Variants in SYNE2 observed in about 807,000 individuals in gnomAD.
SYNE2 encodes nesprin-2.
In SYNE2, 431 loss-of-function variants were observed where a neutral mutation model predicts 856.3. The observed-to-expected ratio is 0.50, with a 90% CI of 0.47 to 0.55. The LOEUF is 0.55. Among genes scored for constraint, SYNE2 ranks in the 20% least tolerant of loss-of-function variants. The probability of loss-of-function intolerance (pLI) is 0.00; values close to 1 mark genes in which losing one functional copy is unlikely to be tolerated. For missense variants in SYNE2, 8,129 were observed against 8,023.2 expected (o/e 1.01, Z -0.50); for synonymous variants, 2,923 against 2,872.3 (o/e 1.02, Z -0.56).
intron 54 of SYNE2, 94 bp downstream of exon 54, chr14:64,076,194 A>G (rs2097457327): frequency 2.8e-6 from 4 of 1,403,520 alleles, no homozygotes; most frequent in Admixed American, 2.0e-5. Context: ...ATTTGCCAGG[A>G]TTTCAGCTAT....
intron 2 of SYNE2, among the ~76,000 whole-genome samples, chr14:63,914,966 T>C (rs2095517300): frequency 6.6e-6 from 1 of 152,034 alleles, no homozygotes; most frequent in South Asian, 2.1e-4. Flanking sequence ...TTAGTAGAGA[T>C]GGGGTTTTGC....
At chr14:63,954,580 C>A in intron 7 of SYNE2, 139 bp from the exon 8 acceptor site, 1 of 702,528 alleles carries the variant, frequency 1.4e-6, no homozygotes. Flanking sequence ...TTAATTTGGT[C>A]ACAAGATAAA....
Position 64,198,935 on chromosome 14 carries a change from C to T in SYNE2, c.18039-3866C>T, listed in dbSNP as rs150307542. ...CTCCTATGTTGTATTACAGTGTCAA[C>T]ATTACATCTAAATTAGGTGATGACC... is the stretch of plus-strand genomic sequence containing the variant. On this transcript the variant is annotated intron_variant, in intron 99 of 115. Transcript: ENST00000555002. 1.0e-3 allele frequency among the ~76,000 whole-genome samples: 159 copies of T among 152,334 alleles called. 5 individuals carry two copies. In the East Asian group the frequency reaches 0.027, roughly 26 times the overall value.
chr14:63,948,261 A>T (rs2096069254), intron 6 of SYNE2, among the ~76,000 whole-genome samples: 1 of 152,198 alleles, frequency 6.6e-6, no homozygotes, highest in African/African-American at 2.4e-5. Flanking sequence ...AAAAATTGAC[A>T]TTTAAAAAAT....
chr14:63,963,377 A>G (rs2096347857), intron 9 of SYNE2, among the ~76,000 whole-genome samples: 2 of 152,258 alleles, frequency 1.3e-5, no homozygotes, highest in African/African-American at 4.8e-5. Flanking sequence ...TCTTTGTCCT[A>G]TAGTAGTAAA....
At chr14:64,141,834 A>G (rs1328881321) in intron 81 of SYNE2, 108 bp from the exon 82 acceptor site, 5 of 1,373,184 alleles carry the variant, frequency 3.6e-6, no homozygotes, top group Non-Finnish European at 5.0e-6. Context: ...AGTAACCTGC[A>G]TAATTATATA....
chr14:64,023,096 A>C (rs571736542), intron 38 of SYNE2: 62 of 474,422 alleles, frequency 1.3e-4, no homozygotes, highest in South Asian at 7.7e-4. Context: ...ATCTCTACAA[A>C]AAATACAAAA....
At chr14:64,103,500 C>G (rs534582516) in intron 64 of SYNE2, among the ~76,000 whole-genome samples, 1 of 152,112 alleles carries the variant, frequency 6.6e-6, no homozygotes, top group African/African-American at 2.4e-5. Context: ...GTGAAAACTA[C>G]GTGCTTCCTT....
chr14:64,020,368 G>A (rs549232900), intron 35 of SYNE2, among the ~76,000 whole-genome samples: 8 of 152,264 alleles, frequency 5.3e-5, no homozygotes, highest in Admixed American at 3.3e-4. Flanking sequence ...ATGTTGGGTC[G>A]TGGATTGGAC....
At chr14:63,878,264 C>T (rs1566687119) in intron 1 of SYNE2, among the ~76,000 whole-genome samples, 1 of 152,168 alleles carries the variant, frequency 6.6e-6, no homozygotes, top group Non-Finnish European at 1.5e-5. Context: ...GTGATCTCCA[C>T]CCTGTGGGAC....
At chr14:64,071,062 A>G (rs1275391160) in intron 52 of SYNE2, 152 bp downstream of exon 52, 1 of 736,954 alleles carries the variant, frequency 1.4e-6, no homozygotes, top group East Asian at 2.7e-5. Flanking sequence ...ACAGATTAGT[A>G]ACTATAATTA....
At chr14:63,898,431 G>C (rs1439700808) in intron 1 of SYNE2, among the ~76,000 whole-genome samples, 1 of 151,900 alleles carries the variant, frequency 6.6e-6, no homozygotes, top group Non-Finnish European at 1.5e-5. Context: ...TTTTGAGACA[G>C]AGTTTCGCCA....
At chr14:63,987,081 G>A (rs1162260385) in intron 19 of SYNE2, among the ~76,000 whole-genome samples, 4 of 152,020 alleles carry the variant, frequency 2.6e-5, no homozygotes, top group Admixed American at 1.3e-4. Flanking sequence ...GTGAAATCCC[G>A]TCTCTACTGA....
chr14:63,979,096 A>G, intron 14 of SYNE2, 82 bp downstream of exon 14: 2 of 1,426,838 alleles, frequency 1.4e-6, no homozygotes, highest in South Asian at 2.3e-5. Context: ...ATGATTTCCC[A>G]TTAACTCTTC....
chr14:64,083,299 T>G lies in SYNE2; in HGVS notation c.11484+1719T>G, dbSNP rs140882841. ...TTCCACATCCCCAAAGTTTGTCATT[T>G]TTAAACTCTTTATCACCTCCCTGAT... On this transcript the variant is annotated intron_variant, in intron 57 of 115. Coordinates refer to ENST00000555002, the MANE Select transcript of SYNE2 (RefSeq NM_182914.3). 1.6e-3 allele frequency among the ~76,000 whole-genome samples: 244 copies of G among 152,204 alleles called. 1 individual carries two copies. The highest frequency in any genetic ancestry group is 5.5e-3 in the African/African-American group (227 of 41,522).
In SYNE2 at chr14:64,222,835, C is replaced by T. The variant is rs182390018; in HGVS notation, c.20191-354C>T. 1.7e-4 allele frequency among the ~76,000 whole-genome samples: 26 copies of T among 152,296 alleles called. No homozygotes were observed. In the East Asian group the frequency reaches 3.7e-3, roughly 21 times the overall value. On this transcript the variant is annotated intron_variant, in intron 112 of 115. Coordinates refer to ENST00000555002, the MANE Select transcript of SYNE2 (RefSeq NM_182914.3). The stretch of plus-strand genomic sequence containing the variant: ...TGCCTGGTATGAACCTCTATGGTTA[C>T]GCTGCTGTTTCTCGGTTGATTGACT...
chr14:63,983,233 A>T (rs1332395421), intron 17 of SYNE2, among the ~76,000 whole-genome samples: 1 of 152,224 alleles, frequency 6.6e-6, no homozygotes, highest in African/African-American at 2.4e-5. Flanking sequence ...TAGTTTATAC[A>T]CATTTGAGTT....
At chr14:64,218,241 TACCTAGAC>T (rs1297049387) in intron 108 of SYNE2, 149 bp from the exon 109 acceptor site, 24 of 695,228 alleles carry the variant, frequency 3.5e-5, no homozygotes. Flanking sequence ...TTATAAATGC[TACCTAGAC>T]ACTAAAGCAC....
chr14:64,175,564 A>G lies in SYNE2; in HGVS notation c.17430+426A>G, dbSNP rs1483221371. ...ATTTTGAGTCACTGTTAGGAAAATC[A>G]TTATTGTTTTGTTATGCTAAGATAC... On this transcript the variant is annotated intron_variant, in intron 95 of 115. Coordinates refer to ENST00000555002, the MANE Select transcript of SYNE2 (RefSeq NM_182914.3). 2.6e-5 allele frequency among the ~76,000 whole-genome samples: 4 copies of G among 152,164 alleles called. No homozygotes were observed. The East Asian group carries it at 7.7e-4, about 29-fold the overall frequency.
Sources: gnomAD v4.1 joint callset for allele counts (sites outside exome capture counted in the v4.1 genomes callset) on GRCh38, gnomAD v4.1.1 for gene constraint, MANE v1.5 for transcripts, NCBI Gene and HGNC (gene_info 2026-07-23, HGNC 2026-07-21) for gene names.